BCHE: variants seen among roughly 807,000 people sequenced by gnomAD.
The protein encoded by BCHE is butyrylcholinesterase.
BCHE carries 48 observed loss-of-function variants against 51.3 expected under a neutral mutation model. That is an observed-to-expected ratio of 0.94 (90% CI 0.74 to 1.19). The LOEUF (loss-of-function observed/expected upper bound fraction) is 1.19, where lower values mean the gene tolerates loss of function less well. Among genes scored for constraint, BCHE ranks in the 50% most tolerant of loss-of-function variants. BCHE has a pLI of 0.00. For synonymous variants in BCHE, 251 were observed against 238.0 expected, an observed-to-expected ratio of 1.05 and a Z score of -0.50; for missense variants, 847 against 708.2, an observed-to-expected ratio of 1.20 and a Z score of -2.23.
chr3:165,777,235 A>C (rs976561658), intron 3 of BCHE, among the ~76,000 whole-genome samples: 43 of 152,106 alleles, frequency 2.8e-4, no homozygotes, highest in Admixed American at 2.6e-3. Context: ...AGCAGAAATA[A>C]ATAAGGACAT....
At chr3:165,819,607 A>C (rs1358277729) in intron 2 of BCHE, among the ~76,000 whole-genome samples, 1 of 152,060 alleles carries the variant, frequency 6.6e-6, no homozygotes, top group African/African-American at 2.4e-5. Context: ...TTTAATCAAC[A>C]TACTTATTTA....
chr3:165,802,619 G>A (rs761944121), intron 2 of BCHE, among the ~76,000 whole-genome samples: 1 of 150,436 alleles, frequency 6.6e-6, no homozygotes, highest in Admixed American at 6.6e-5. Flanking sequence ...TTTAAAAATA[G>A]GAAAATTTGT....
intron 2 of BCHE, among the ~76,000 whole-genome samples, chr3:165,806,964 A>G (rs559046260): frequency 6.6e-6 from 1 of 152,188 alleles, no homozygotes; most frequent in South Asian, 2.1e-4. Context: ...TATGTTAAAT[A>G]AATACAATCA....
chr3:165,829,495 A>G (rs777670869), intron 2 of BCHE, 22 bp downstream of exon 2: 6 of 1,595,614 alleles, frequency 3.8e-6, no homozygotes, highest in Non-Finnish European at 5.2e-6. Flanking sequence ...GCCAGAGAAC[A>G]ATGACAAAAA....
intron 2 of BCHE, among the ~76,000 whole-genome samples, chr3:165,792,543 A>G (rs931815208): frequency 2.8e-4 from 43 of 152,296 alleles, no homozygotes; most frequent in Non-Finnish European, 1.2e-4. Context: ...GGGAGAAAAG[A>G]ATTATTGAAA....
chr3:165,823,934 CT>C (rs33928098), intron 2 of BCHE, among the ~76,000 whole-genome samples: 103,625 of 132,692 alleles, frequency 0.78, 40,851 homozygotes, highest in East Asian at 0.86. Flanking sequence ...ACCCAACCAA[CT>C]TTTTTTTTTT....
intron 3 of BCHE, among the ~76,000 whole-genome samples, chr3:165,783,212 A>C (rs1219467213): frequency 6.6e-6 from 1 of 152,116 alleles, no homozygotes. Flanking sequence ...TTATCATGGA[A>C]TGCATATTTC....
chr3:165,819,116 T>C (rs937799830), intron 2 of BCHE, among the ~76,000 whole-genome samples: 3 of 150,358 alleles, frequency 2.0e-5, no homozygotes, highest in African/African-American at 7.3e-5. Context: ...TTTGCTCTTG[T>C]TGCCCAGGCT....
intron 2 of BCHE, among the ~76,000 whole-genome samples, chr3:165,797,972 G>A (rs1511995): frequency 0.85 from 128,956 of 152,172 alleles, 55,490 homozygotes; most frequent in East Asian, 0.92. Flanking sequence ...TCAAATAATT[G>A]TTCTTGAATT....
rs976478727 is a variant in BCHE, at chr3:165,782,842, A to T, written c.1684+3303T>A. ...CATTGCTATGTTCTCACATGGAAGAATGGGGGAGTTCCCTCAGGATTTTTT... is the reference window on the plus strand; with the variant it reads ...CATTGCTATGTTCTCACATGGAAGATTGGGGGAGTTCCCTCAGGATTTTTT... On this transcript the variant is annotated intron_variant, in intron 3 of 3. Coordinates refer to ENST00000264381, the MANE Select transcript of BCHE (RefSeq NM_000055.4). 3.3e-5 allele frequency among the ~76,000 whole-genome samples: 5 copies of T among 152,102 alleles called. No individual in the cohort carries two copies. The East Asian group carries it at 9.7e-4, about 29-fold the overall frequency.
Position 165,830,920 on chromosome 3 carries a change from A to G in BCHE, c.114T>C (p.Asn38=), listed in dbSNP as rs769092899. The change falls in exon 2 of 4, where the codon AAT becomes AAC. Residue 38 remains asparagine, a synonymous_variant. Coordinates refer to ENST00000264381, the MANE Select transcript of BCHE (RefSeq NM_000055.4). ...TCAAGTTCATCCCTCTGACTTTTCC[A>G]TTCTTTGTTGCAATTATGATGTCAT... ...TEDDIIIATK[N]GKVRGMNLTV... The G allele has an allele frequency of 3.7e-6, 6 of 1,613,798 alleles. No individual in the cohort carries two copies. The highest frequency in any genetic ancestry group is 5.1e-6 in the Non-Finnish European group (6 of 1,179,916).
intron 3 of BCHE, among the ~76,000 whole-genome samples, chr3:165,775,974 G>A (rs200640768): frequency 1.3e-5 from 2 of 151,548 alleles, no homozygotes; most frequent in Non-Finnish European, 3.0e-5. Flanking sequence ...ATATTGGCTT[G>A]TTTATTACTA....
In BCHE at chr3:165,830,629, G is replaced by T; in HGVS notation, c.405C>A (p.Ala135=). 2 of 1,613,872 alleles carry T rather than the reference G, an allele frequency of 1.2e-6. No individual in the cohort carries two copies. Among genetic ancestry groups the T allele is most frequent in the South Asian group, 2.2e-5 (2 of 91,068 alleles). ...CACCATAAATCCATATCAATACAGT[G>T]GCATTTTTTGGTTTAGGTGCTGGAA... is the stretch of plus-strand genomic sequence containing the variant. ...VWIPAPKPKN[A]TVLIWIYGGG... is the part of the protein sequence containing the mutation. The change falls in exon 2 of 4, where the codon GCC becomes GCA. Residue 135 remains alanine (A), a synonymous_variant. Coordinates refer to ENST00000264381, the MANE Select transcript of BCHE (RefSeq NM_000055.4).
intron 2 of BCHE, among the ~76,000 whole-genome samples, chr3:165,807,038 G>T (rs1383698093): frequency 4.0e-5 from 6 of 151,856 alleles, no homozygotes; most frequent in Non-Finnish European, 1.5e-5. Context: ...TTACTTTTTT[G>T]GGGGGTTGGT....
At chr3:165,816,574 C>T (rs1443260823) in intron 2 of BCHE, among the ~76,000 whole-genome samples, 1 of 151,998 alleles carries the variant, frequency 6.6e-6, no homozygotes, top group Non-Finnish European at 1.5e-5. Context: ...TAGTTCCCAC[C>T]ATCCCATCAA....
At chr3:165,816,559 G>T (rs780839068) in intron 2 of BCHE, among the ~76,000 whole-genome samples, 16 of 151,774 alleles carry the variant, frequency 1.1e-4, no homozygotes, top group Non-Finnish European at 2.1e-4. Context: ...TCTCTATTAA[G>T]GTTTTAGTTC....
At chr3:165,797,140 C>CTT (rs1713414155) in intron 2 of BCHE, among the ~76,000 whole-genome samples, 1 of 136,568 alleles carries the variant, frequency 7.3e-6, no homozygotes, top group Non-Finnish European at 1.6e-5. Context: ...TTCCTTCCTT[C>CTT]CCTCCTTCCC....
At chr3:165,812,629 AG>A (rs1218617554) in intron 2 of BCHE, among the ~76,000 whole-genome samples, 2 of 151,988 alleles carry the variant, frequency 1.3e-5, no homozygotes, top group Non-Finnish European at 2.9e-5. Context: ...AATAAAAAAA[AG>A]AATTAAATAT....
chr3:165,836,344 G>T (rs1195164616), intron 1 of BCHE, among the ~76,000 whole-genome samples: 1 of 151,870 alleles, frequency 6.6e-6, no homozygotes, highest in Non-Finnish European at 1.5e-5. Flanking sequence ...TGTATTTATT[G>T]TAACTATGAG....
Sources: allele counts gnomAD v4.1 joint callset (sites outside exome capture counted in the v4.1 genomes callset), GRCh38; gene constraint gnomAD v4.1.1; transcripts MANE v1.5; gene names NCBI Gene and HGNC (gene_info 2026-07-23, HGNC 2026-07-21).